The following TULP4 variants were observed in gnomAD, a reference collection of about 807,000 sequenced individuals.
TULP4 encodes tubby-related protein 4.
Under a neutral mutation model 129.0 loss-of-function variants are expected in TULP4, and 16 were observed. The ratio of observed to expected loss-of-function variants is 0.12; its 90% CI spans 0.08 to 0.19. TULP4 has a LOEUF of 0.19. Ranked by LOEUF, TULP4 falls within the 10% of genes least tolerant of loss-of-function variation. The pLI, the probability that TULP4 is intolerant of heterozygous loss-of-function variation, is 1.00. For synonymous variants in TULP4, 998 were observed against 854.0 expected, an observed-to-expected ratio of 1.17 and a Z score of -2.94; for missense variants, 1,842 against 2,059.1, an observed-to-expected ratio of 0.89 and a Z score of 2.04.
At chr6:158,297,932 C>T (rs1422733820) in intron 1 of TULP4, among the ~76,000 whole-genome samples, 1 of 152,120 alleles carries the variant, frequency 6.6e-6, no homozygotes, top group Non-Finnish European at 1.5e-5. Flanking sequence ...GTATCTCAGT[C>T]CTTATCTCAA....
At chr6:158,458,446 T>C (rs1779344349) in intron 5 of TULP4, among the ~76,000 whole-genome samples, 1 of 152,156 alleles carries the variant, frequency 6.6e-6, no homozygotes, top group Non-Finnish European at 1.5e-5. Context: ...GAACTCCCCA[T>C]TGCCTGTGAG....
chr6:158,325,605 G>A (rs1481539020), intron 1 of TULP4, among the ~76,000 whole-genome samples: 2 of 152,082 alleles, frequency 1.3e-5, no homozygotes. Context: ...GCCCGCCTCG[G>A]CCTCCCAAAG....
At chr6:158,332,961 A>G (rs1779945623) in intron 1 of TULP4, among the ~76,000 whole-genome samples, 1 of 152,200 alleles carries the variant, frequency 6.6e-6, no homozygotes, top group South Asian at 2.1e-4. Flanking sequence ...ATATATGTAT[A>G]CACATTACAT....
upstream of TULP4, among the ~76,000 whole-genome samples, chr6:158,311,243 C>T (rs942962760): frequency 5.3e-5 from 8 of 152,202 alleles, no homozygotes; most frequent in African/African-American, 1.9e-4. Flanking sequence ...GGGCCCTTCC[C>T]TTCCCTTTCA....
chr6:158,497,703 G>C (rs1231848134), intron 11 of TULP4, among the ~76,000 whole-genome samples: 1 of 152,238 alleles, frequency 6.6e-6, no homozygotes, highest in African/African-American at 2.4e-5. Flanking sequence ...ACAAGAGAGA[G>C]AAACACATGC....
intron 1 of TULP4, among the ~76,000 whole-genome samples, chr6:158,392,653 G>C (rs1334518374): frequency 6.6e-6 from 1 of 152,098 alleles, no homozygotes; most frequent in African/African-American, 2.4e-5. Context: ...CTGACTACAA[G>C]GGGTGGAAAT....
intron 1 of TULP4, among the ~76,000 whole-genome samples, chr6:158,411,743 T>A (rs1346804798): frequency 1.3e-5 from 2 of 152,146 alleles, no homozygotes; most frequent in Non-Finnish European, 2.9e-5. Flanking sequence ...AGACACAAGT[T>A]TAAAGACCTA....
chr6:158,365,424 T>C (rs1333626188), intron 1 of TULP4, among the ~76,000 whole-genome samples: 3 of 151,912 alleles, frequency 2.0e-5, no homozygotes, highest in Non-Finnish European at 4.4e-5. Flanking sequence ...CTGGTTATTT[T>C]TCTTGTGTAT....
At chr6:158,351,923 T>C (rs964238901) in intron 1 of TULP4, among the ~76,000 whole-genome samples, 1 of 151,996 alleles carries the variant, frequency 6.6e-6, no homozygotes, top group Admixed American at 6.6e-5. Flanking sequence ...GGTTTCACCA[T>C]GTTGGCCAGG....
intron 1 of TULP4, among the ~76,000 whole-genome samples, chr6:158,304,271 A>G (rs1322395561): frequency 6.6e-6 from 1 of 152,144 alleles, no homozygotes; most frequent in Non-Finnish European, 1.5e-5. Flanking sequence ...GAAGCATCTT[A>G]TGTGTTTCAT....
chr6:158,505,117 G>T (rs1033181603), intron 13 of TULP4, among the ~76,000 whole-genome samples: 9 of 152,170 alleles, frequency 5.9e-5, no homozygotes, highest in Admixed American at 5.9e-4. Flanking sequence ...TCATTCCCCA[G>T]TTCTCGAACC....
chr6:158,253,209 T>G (rs1207549390), intron 1 of TULP4, among the ~76,000 whole-genome samples: 2 of 152,248 alleles, frequency 1.3e-5, no homozygotes, highest in African/African-American at 2.4e-5. Context: ...TGCTGATTTT[T>G]AAGTCTAGGA....
chr6:158,438,445 C>T (rs1486119717), intron 3 of TULP4, among the ~76,000 whole-genome samples: 2 of 152,180 alleles, frequency 1.3e-5, no homozygotes, highest in Non-Finnish European at 2.9e-5. Context: ...CCTGCAGCAC[C>T]GGAGAGGCAC....
intron 6 of TULP4, among the ~76,000 whole-genome samples, chr6:158,476,331 G>A (rs1217468661): frequency 6.6e-6 from 1 of 152,142 alleles, no homozygotes; most frequent in Non-Finnish European, 1.5e-5. Flanking sequence ...ATTCTTAGAA[G>A]AGGGGATTTC....
chr6:158,353,213 A>G (rs1055416509), intron 1 of TULP4, among the ~76,000 whole-genome samples: 9 of 152,122 alleles, frequency 5.9e-5, no homozygotes, highest in Admixed American at 5.9e-4. Flanking sequence ...CTTTCCACAG[A>G]GTTTTTGATA....
intron 8 of TULP4, among the ~76,000 whole-genome samples, chr6:158,484,824 A>G (rs1780029265): frequency 6.6e-6 from 1 of 152,258 alleles, no homozygotes; most frequent in Non-Finnish European, 1.5e-5. Context: ...GTGTGTGTGC[A>G]CGCACGCTTG....
At chr6:158,425,980 T>C (rs543599418) in intron 2 of TULP4, among the ~76,000 whole-genome samples, 1 of 152,346 alleles carries the variant, frequency 6.6e-6, no homozygotes, top group South Asian at 2.1e-4. Flanking sequence ...CTCTAATCAG[T>C]GAAGTTGAGC....
Position 158,368,066 on chromosome 6 carries a change from C to CAAAAAAAAAAAAAAAAA in TULP4, c.253-44993_253-44977dup, listed in dbSNP as rs3085241. On this transcript the variant is annotated intron_variant, in intron 1 of 13. Transcript: ENST00000367097. ...ACTCCAGCCTGGGTGACCCTGTCTC[C>CAAAAAAAAAAAAAAAAA]AAAAAAAAAAAAAAAAAAAAAAGGA... Among the ~76,000 whole-genome samples the CAAAAAAAAAAAAAAAAA allele has an allele frequency of 3.6e-3, 232 of 64,996 alleles. 28 individuals carry two copies. Among genetic ancestry groups the CAAAAAAAAAAAAAAAAA allele is most frequent in the Non-Finnish European group, 5.4e-3 (186 of 34,452 alleles). The allele number at this position is 64,996 out of a possible 152,430, so 42.6% of individuals were successfully genotyped here.
intron 1 of TULP4, among the ~76,000 whole-genome samples, chr6:158,234,541 C>T (rs1359575367): frequency 6.6e-6 from 1 of 152,198 alleles, no homozygotes; most frequent in East Asian, 1.9e-4. Context: ...TACTCATTTG[C>T]AACATCAATT....
Sources: allele counts gnomAD v4.1 joint callset (sites outside exome capture counted in the v4.1 genomes callset), GRCh38; gene constraint gnomAD v4.1.1; transcripts MANE v1.5; gene names NCBI Gene and HGNC (gene_info 2026-07-23, HGNC 2026-07-21).